Variants in TCERG1L observed in about 807,000 individuals in gnomAD.
The protein encoded by TCERG1L is transcription elongation regulator 1 like.
Under a neutral mutation model 56.3 loss-of-function variants are expected in TCERG1L, and 37 were observed. That is an observed-to-expected ratio of 0.66 (90% CI 0.51 to 0.87). The LOEUF (loss-of-function observed/expected upper bound fraction) is 0.87. Among genes scored for constraint, TCERG1L ranks in the 40% least tolerant of loss-of-function variants. The probability of loss-of-function intolerance (pLI) is 0.00; values close to 1 mark genes in which losing one functional copy is unlikely to be tolerated. For synonymous variants in TCERG1L, 324 were observed against 326.3 expected (o/e 0.99, Z 0.08); for missense variants, 799 against 774.2 (o/e 1.03, Z -0.38).
At chr10:131,172,597 G>A (rs1009683330) in intron 4 of TCERG1L, among the ~76,000 whole-genome samples, 2 of 152,164 alleles carry the variant, frequency 1.3e-5, no homozygotes, top group Admixed American at 6.5e-5. Flanking sequence ...CGTGCTCCAC[G>A]CGCGCTGGCT....
chr10:131,112,289 A>T (rs1845419569), intron 9 of TCERG1L, among the ~76,000 whole-genome samples: 2 of 141,716 alleles, frequency 1.4e-5, no homozygotes, highest in African/African-American at 5.0e-5. Flanking sequence ...TGACTCCCAC[A>T]CTGTCCTGGA....
At chr10:131,271,385 C>A (rs1265067595) in intron 3 of TCERG1L, among the ~76,000 whole-genome samples, 2 of 152,206 alleles carry the variant, frequency 1.3e-5, no homozygotes, top group African/African-American at 4.8e-5. Context: ...TAGGAGCCAG[C>A]CTCAGTCCAG....
At chr10:131,293,967 G>A (rs1465162653) in intron 3 of TCERG1L, among the ~76,000 whole-genome samples, 2 of 152,166 alleles carry the variant, frequency 1.3e-5, no homozygotes, top group African/African-American at 2.4e-5. Context: ...GACGCGTGGT[G>A]GCTGTAGGTA....
chr10:131,297,252 C>T (rs1846708419), intron 3 of TCERG1L, among the ~76,000 whole-genome samples: 1 of 152,178 alleles, frequency 6.6e-6, no homozygotes, highest in Admixed American at 6.5e-5. Flanking sequence ...TTGAGTTACA[C>T]ACGGTTTTTT....
At chr10:131,306,552 T>C (rs911626748) in intron 3 of TCERG1L, among the ~76,000 whole-genome samples, 1 of 152,144 alleles carries the variant, frequency 6.6e-6, no homozygotes, top group African/African-American at 2.4e-5. Context: ...AATAGATCCA[T>C]TAATGGATAC....
chr10:131,127,720 GA>G (rs1029955340), intron 8 of TCERG1L, among the ~76,000 whole-genome samples: 1 of 152,090 alleles, frequency 6.6e-6, no homozygotes, highest in Non-Finnish European at 1.5e-5. Context: ...CGGAACCACA[GA>G]CCTGGAGACA....
At chr10:131,297,317 G>T (rs146932681) in intron 3 of TCERG1L, among the ~76,000 whole-genome samples, 1 of 152,086 alleles carries the variant, frequency 6.6e-6, no homozygotes, top group Admixed American at 6.5e-5. Context: ...TGCATTTTCT[G>T]AATCTATTGA....
chr10:131,119,390 A>G (rs888079519), intron 8 of TCERG1L, among the ~76,000 whole-genome samples: 1 of 152,206 alleles, frequency 6.6e-6, no homozygotes, highest in Non-Finnish European at 1.5e-5. Flanking sequence ...TCTGCTTCTT[A>G]TGTGATTACA....
intron 3 of TCERG1L, among the ~76,000 whole-genome samples, chr10:131,270,292 C>T (rs944554821): frequency 7.9e-5 from 12 of 152,298 alleles, no homozygotes; most frequent in African/African-American, 2.4e-4. Context: ...CTGCTCCCCT[C>T]GGAGACGCCT....
intron 7 of TCERG1L, among the ~76,000 whole-genome samples, chr10:131,145,125 C>G (rs774574645): frequency 2.6e-5 from 4 of 152,210 alleles, no homozygotes; most frequent in Non-Finnish European, 5.9e-5. Flanking sequence ...AGGAATCTGC[C>G]AGCATGATCT....
intron 3 of TCERG1L, among the ~76,000 whole-genome samples, chr10:131,287,024 T>A (rs770867040): frequency 6.6e-6 from 1 of 152,236 alleles, no homozygotes; most frequent in Non-Finnish European, 1.5e-5. Context: ...GCTGGAATAA[T>A]AATGTTCTGG....
At chr10:131,243,834 AAT>A (rs1215550735) in intron 4 of TCERG1L, among the ~76,000 whole-genome samples, 2 of 152,220 alleles carry the variant, frequency 1.3e-5, no homozygotes, top group Non-Finnish European at 2.9e-5. Flanking sequence ...CTGGGCTCAA[AAT>A]AACAAAATCA....
intron 4 of TCERG1L, among the ~76,000 whole-genome samples, chr10:131,215,928 A>T (rs1213331806): frequency 6.6e-6 from 1 of 152,184 alleles, no homozygotes; most frequent in Non-Finnish European, 1.5e-5. Context: ...CAGAAGCTCG[A>T]GTCTGAAGCA....
At chr10:131,239,339 C>T (rs1845947154) in intron 4 of TCERG1L, among the ~76,000 whole-genome samples, 1 of 152,196 alleles carries the variant, frequency 6.6e-6, no homozygotes, top group South Asian at 2.1e-4. Context: ...AAGAGGTTGA[C>T]AGCGATGCCA....
intron 4 of TCERG1L, among the ~76,000 whole-genome samples, chr10:131,193,096 C>T (rs1845320548): frequency 6.6e-6 from 1 of 152,140 alleles, no homozygotes; most frequent in Non-Finnish European, 1.5e-5. Context: ...ATTTGAATTT[C>T]TCTGATGACA....
chr10:131,132,429 A>G (rs1845627892), intron 8 of TCERG1L, among the ~76,000 whole-genome samples: 1 of 152,222 alleles, frequency 6.6e-6, no homozygotes, highest in South Asian at 2.1e-4. Context: ...TAGCGTTTCA[A>G]TGTTGTTGAA....
intron 3 of TCERG1L, among the ~76,000 whole-genome samples, chr10:131,278,491 C>T (rs529018964): frequency 7.9e-5 from 12 of 152,048 alleles, no homozygotes; most frequent in Admixed American, 2.0e-4. Context: ...GTGCCCACCA[C>T]GATGCCCAGC....
intron 8 of TCERG1L, among the ~76,000 whole-genome samples, chr10:131,124,185 C>A (rs983481960): frequency 6.6e-6 from 1 of 152,172 alleles, no homozygotes; most frequent in South Asian, 2.1e-4. Context: ...GATCTCTGGC[C>A]TCTGACAGGT....
chr10:131,202,796 G>C (rs1845456428), intron 4 of TCERG1L, among the ~76,000 whole-genome samples: 1 of 152,110 alleles, frequency 6.6e-6, no homozygotes, highest in African/African-American at 2.4e-5. Flanking sequence ...AATAGGGTTG[G>C]GAGGAGCTTG....
Sources: allele counts gnomAD v4.1 joint callset (sites outside exome capture counted in the v4.1 genomes callset), GRCh38; gene constraint gnomAD v4.1.1; transcripts MANE v1.5; gene names NCBI Gene and HGNC (gene_info 2026-07-23, HGNC 2026-07-21).